The following KCNK1 variants were observed in gnomAD, a reference collection of about 807,000 sequenced individuals.
The protein encoded by KCNK1 is potassium two pore domain channel subfamily K member 1.
KCNK1 carries 10 observed loss-of-function variants against 22.2 expected under a neutral mutation model. That is an observed-to-expected ratio of 0.45 (90% CI 0.28 to 0.76). The LOEUF (loss-of-function observed/expected upper bound fraction) is 0.76. Among genes scored for constraint, KCNK1 ranks in the 30% least tolerant of loss-of-function variants. The pLI, the probability that KCNK1 is intolerant of heterozygous loss-of-function variation, is 0.14. For synonymous variants in KCNK1, 200 were observed against 186.4 expected, an observed-to-expected ratio of 1.07 and a Z score of -0.60; for missense variants, 378 against 421.0, an observed-to-expected ratio of 0.90 and a Z score of 0.89.
chr1:233,619,908 G>A (rs970387564), intron 1 of KCNK1, among the ~76,000 whole-genome samples: 8 of 141,648 alleles, frequency 5.6e-5, no homozygotes, highest in East Asian at 2.1e-4. Context: ...AGACTCCTCC[G>A]TCTAAGCGAG....
chr1:233,654,634 C>T (rs1216901491), intron 1 of KCNK1, among the ~76,000 whole-genome samples: 9 of 152,122 alleles, frequency 5.9e-5, no homozygotes, highest in Admixed American at 4.6e-4. Context: ...AATGAGATAA[C>T]GGGTACAGTG....
At position 233,669,802 on chromosome 1, in the gene KCNK1, T is replaced by C. The variant is rs192828096; in HGVS notation, c.752-1469T>C. Among the ~76,000 whole-genome samples the C allele has an allele frequency of 2.3e-3, 352 of 152,210 alleles. 1 individual carries two copies. The highest frequency in any genetic ancestry group is 7.9e-3 in the African/African-American group (330 of 41,540). ...CAGAATGAGGCTCTGTCTCAAAAAA[T>C]AGTAATAAGAATAATAAAGGAAAAG... On this transcript the variant is annotated intron_variant, in intron 2 of 2. Transcript: ENST00000366621.
At chr1:233,633,433 A>G (rs1558111248) in intron 1 of KCNK1, among the ~76,000 whole-genome samples, 1 of 152,102 alleles carries the variant, frequency 6.6e-6, no homozygotes, top group South Asian at 2.1e-4. Context: ...AATGAACTTA[A>G]TGTTTGTTTT....
intron 2 of KCNK1, 46 bp downstream of exon 2, chr1:233,667,036 T>A: frequency 2.7e-6 from 3 of 1,122,528 alleles, no homozygotes; most frequent in Non-Finnish European, 3.5e-6. Flanking sequence ...TCCTTTATTT[T>A]ATTTATTTAT....
intron 1 of KCNK1, among the ~76,000 whole-genome samples, chr1:233,623,334 A>G (rs924107292): frequency 6.6e-6 from 1 of 152,198 alleles, no homozygotes; most frequent in African/African-American, 2.4e-5. Flanking sequence ...ACAAAATTAC[A>G]GCTAGATAGG....
intron 1 of KCNK1, among the ~76,000 whole-genome samples, chr1:233,643,001 C>T (rs1247993370): frequency 4.7e-5 from 7 of 147,790 alleles, no homozygotes; most frequent in Admixed American, 1.4e-4. Context: ...AGGCTGGTCT[C>T]GAACTTTTGA....
chr1:233,634,958 T>C (rs923397037), intron 1 of KCNK1, among the ~76,000 whole-genome samples: 4 of 152,198 alleles, frequency 2.6e-5, no homozygotes, highest in Non-Finnish European at 4.4e-5. Context: ...ATTATAACCC[T>C]CACTCGTACT....
At chr1:233,666,458 A>G in intron 1 of KCNK1, 137 bp from the exon 2 acceptor site, 3 of 727,914 alleles carry the variant, frequency 4.1e-6, no homozygotes, top group Non-Finnish European at 4.4e-6. Flanking sequence ...TAGAGCCCCT[A>G]AAGTGGCAGA....
At position 233,619,877 on chromosome 1, in the gene KCNK1, A is replaced by T. The variant is rs569197091; in HGVS notation, c.355+5351A>T. ...GTGAGCCAAGATCACGCCACTGCAC[A>T]CCAACCTGGGCAGCAGAGCGAGACT... is the stretch of plus-strand genomic sequence containing the variant. On this transcript the variant is annotated intron_variant, in intron 1 of 2. Coordinates refer to ENST00000366621, the MANE Select transcript of KCNK1 (RefSeq NM_002245.4). Among the ~76,000 whole-genome samples, 77 of 136,046 alleles carry T rather than the reference A, an allele frequency of 5.7e-4. 1 individual carries two copies. Among genetic ancestry groups the T allele is most frequent in the African/African-American group, 1.2e-3 (46 of 36,848 alleles). The allele number at this position is 136,046 out of a possible 152,430, so 89.3% of individuals were successfully genotyped here.
intron 1 of KCNK1, among the ~76,000 whole-genome samples, chr1:233,663,295 A>G (rs537729339): frequency 6.6e-6 from 1 of 152,322 alleles, no homozygotes; most frequent in East Asian, 1.9e-4. Flanking sequence ...TCTTAGTGGG[A>G]ATATATAATA....
intron 1 of KCNK1, among the ~76,000 whole-genome samples, chr1:233,623,786 G>T (rs1340684956): frequency 1.3e-5 from 2 of 152,180 alleles, no homozygotes; most frequent in Admixed American, 6.5e-5. Flanking sequence ...ACAGGGTTTT[G>T]CCATGTTGGT....
chr1:233,649,574 G>A (rs939504126), intron 1 of KCNK1, among the ~76,000 whole-genome samples: 12 of 152,208 alleles, frequency 7.9e-5, no homozygotes, highest in African/African-American at 2.9e-4. Context: ...TGGAGGCTGG[G>A]AAGTCCAAGA....
rs779368911 is a variant in KCNK1 at position 233,614,444 on chromosome 1, G to C, written c.273G>C (p.Ser91=). The C allele has an allele frequency of 1.2e-6, 2 of 1,613,262 alleles. No homozygotes were observed. Among genetic ancestry groups the C allele is most frequent in the East Asian group, 2.2e-5 (1 of 44,810 alleles). The stretch of plus-strand genomic sequence containing the variant: ...TGGAGGCCAGCAACTACGGCGTGTC[G>C]GTGCTCAGCAACGCCTCGGGCAACT... ...RVLEASNYGV[S]VLSNASGNWN... The change falls in exon 1 of 3, where the codon TCG becomes TCC. Residue 91 remains serine, a synonymous_variant. Transcript: ENST00000366621.
intron 1 of KCNK1, among the ~76,000 whole-genome samples, chr1:233,622,834 A>G (rs965695842): frequency 2.6e-5 from 4 of 152,180 alleles, no homozygotes; most frequent in African/African-American, 9.7e-5. Flanking sequence ...CTTAGGTTAG[A>G]CATGGGAGTG....
chr1:233,618,809 G>A (rs909409648), intron 1 of KCNK1, among the ~76,000 whole-genome samples: 2 of 152,040 alleles, frequency 1.3e-5, no homozygotes, highest in African/African-American at 4.8e-5. Context: ...GCTTGAACCC[G>A]GGAGGCGGAG....
intron 1 of KCNK1, among the ~76,000 whole-genome samples, chr1:233,621,669 A>T (rs1410506253): frequency 6.6e-6 from 1 of 152,212 alleles, no homozygotes; most frequent in African/African-American, 2.4e-5. Flanking sequence ...TTAGTGTTTA[A>T]ATCTGTGAAC....
At chr1:233,649,027 T>C (rs560126318) in intron 1 of KCNK1, among the ~76,000 whole-genome samples, 12 of 152,312 alleles carry the variant, frequency 7.9e-5, no homozygotes, top group Non-Finnish European at 1.0e-4. Context: ...GGATCTCACA[T>C]GGATTGAGCC....
chr1:233,624,892 A>T (rs925128248), intron 1 of KCNK1, among the ~76,000 whole-genome samples: 1 of 152,186 alleles, frequency 6.6e-6, no homozygotes, highest in Non-Finnish European at 1.5e-5. Context: ...TCAGGGAACA[A>T]AACCACAAAA....
intron 1 of KCNK1, among the ~76,000 whole-genome samples, chr1:233,661,519 C>G (rs1658391934): frequency 6.6e-6 from 1 of 152,218 alleles, no homozygotes; most frequent in Non-Finnish European, 1.5e-5. Context: ...TCCTAGACCA[C>G]TTGCACCTGC....
Sources: allele counts gnomAD v4.1 joint callset (sites outside exome capture counted in the v4.1 genomes callset), GRCh38; gene constraint gnomAD v4.1.1; transcripts MANE v1.5; gene names NCBI Gene and HGNC (gene_info 2026-07-23, HGNC 2026-07-21).